Variants in MAN1A2 observed in about 807,000 individuals in gnomAD.
MAN1A2 encodes the protein mannosidase alpha class 1A member 2.
MAN1A2 carries 26 observed loss-of-function variants against 75.7 expected under a neutral mutation model. That is an observed-to-expected ratio of 0.34 (90% CI 0.25 to 0.48). The LOEUF is 0.48. Among genes scored for constraint, MAN1A2 ranks in the 20% least tolerant of loss-of-function variants. MAN1A2 has a pLI of 0.99. For synonymous variants in MAN1A2, 247 were observed against 264.6 expected (o/e 0.93, Z 0.65); for missense variants, 562 against 775.5 (o/e 0.72, Z 3.27).
chr1:117,378,747 C>A (rs1376905532), intron 1 of MAN1A2, among the ~76,000 whole-genome samples: 1 of 152,080 alleles, frequency 6.6e-6, no homozygotes, highest in East Asian at 1.9e-4. Flanking sequence ...TCTTTTCCAA[C>A]CTGCTGTCAA....
intron 12 of MAN1A2, among the ~76,000 whole-genome samples, chr1:117,503,747 T>C (rs1651269877): frequency 6.6e-6 from 1 of 151,598 alleles, no homozygotes; most frequent in African/African-American, 2.4e-5. Flanking sequence ...GATGTTTCAG[T>C]AGGCAAGCAG....
At chr1:117,463,021 C>T (rs1020611141) in intron 7 of MAN1A2, among the ~76,000 whole-genome samples, 1 of 151,798 alleles carries the variant, frequency 6.6e-6, no homozygotes, top group Non-Finnish European at 1.5e-5. Flanking sequence ...ACTTCATCAA[C>T]AGAGAAGAAT....
chr1:117,470,749 C>T (rs2101847255), intron 8 of MAN1A2, among the ~76,000 whole-genome samples: 1 of 152,002 alleles, frequency 6.6e-6, no homozygotes, highest in East Asian at 1.9e-4. Flanking sequence ...TTATATCAGC[C>T]TCTGAAAAGT....
chr1:117,511,463 T>C (rs1646242650), intron 12 of MAN1A2, among the ~76,000 whole-genome samples: 1 of 151,996 alleles, frequency 6.6e-6, no homozygotes, highest in South Asian at 2.1e-4. Context: ...GTATGAGTCA[T>C]CATGCTCAGC....
rs746761962 is a variant in MAN1A2 at position 117,420,573 on chromosome 1, C to T, written c.779C>T (p.Ser260Leu). 2 of 1,608,242 alleles carry T rather than the reference C, an allele frequency of 1.2e-6. No homozygotes were observed. The highest frequency in any genetic ancestry group is 1.7e-6 in the Non-Finnish European group (2 of 1,175,058). Residue 260 changes from serine to leucine, a missense_variant, in exon 5 of 13, where the codon TCA becomes TTA. Ser to Leu is a moderately radical substitution (Grantham distance 145). Transcript: ENST00000356554. ...TTTTCAATATGTTTTTCACAGAATTCAGAGGTGTCTGTGTTTGAAGTCAAC... is the reference window on the plus strand; with the variant it reads ...TTTTCAATATGTTTTTCACAGAATTTAGAGGTGTCTGTGTTTGAAGTCAAC... The part of the protein sequence containing the change: ...IEDNLDFSVN[S>L]EVSVFEVNIR...
At chr1:117,522,779 T>C (rs539527052) in intron 12 of MAN1A2, 46 bp from the exon 13 acceptor site, 22 of 1,578,876 alleles carry the variant, frequency 1.4e-5, no homozygotes, top group Admixed American at 1.0e-4. Context: ...CTTCATGTTC[T>C]TGTTGAATTC....
At chr1:117,476,751 G>C (rs1474814595) in intron 8 of MAN1A2, among the ~76,000 whole-genome samples, 1 of 152,002 alleles carries the variant, frequency 6.6e-6, no homozygotes, top group Admixed American at 6.6e-5. Flanking sequence ...TGCTGTTTTG[G>C]TTACTGTAGC....
intron 8 of MAN1A2, among the ~76,000 whole-genome samples, chr1:117,488,236 G>A (rs917962345): frequency 1.3e-5 from 2 of 149,486 alleles, no homozygotes; most frequent in Admixed American, 1.3e-4. Flanking sequence ...TCTTGAGACA[G>A]AGTCTCACGT....
chr1:117,507,679 T>A (rs1211803616), intron 12 of MAN1A2, among the ~76,000 whole-genome samples: 1 of 151,674 alleles, frequency 6.6e-6, no homozygotes, highest in African/African-American at 2.4e-5. Flanking sequence ...TCAGCTTGCT[T>A]TTTAAATAAG....
At chr1:117,495,331 C>A (rs559595653) in intron 9 of MAN1A2, among the ~76,000 whole-genome samples, 6 of 151,522 alleles carry the variant, frequency 4.0e-5, no homozygotes, top group Admixed American at 1.3e-4. Context: ...AGTATGCAGT[C>A]TTTGCAGTGT....
intron 11 of MAN1A2, among the ~76,000 whole-genome samples, chr1:117,499,925 G>T (rs1174290699): frequency 6.6e-6 from 1 of 151,464 alleles, no homozygotes; most frequent in Non-Finnish European, 1.5e-5. Context: ...TATTCCCAGG[G>T]TAAGGGGTTG....
chr1:117,439,346 C>T (rs997321575), intron 5 of MAN1A2, among the ~76,000 whole-genome samples: 2 of 152,172 alleles, frequency 1.3e-5, no homozygotes, highest in African/African-American at 4.8e-5. Context: ...CCCACATTGA[C>T]TGCTAGATTG....
At chr1:117,401,528 G>A (rs1647429122) in intron 1 of MAN1A2, among the ~76,000 whole-genome samples, 1 of 152,168 alleles carries the variant, frequency 6.6e-6, no homozygotes, top group Non-Finnish European at 1.5e-5. Context: ...GGGCTGGGTG[G>A]AAAACGGTGT....
In MAN1A2 at chr1:117,523,276, C is replaced by G; in HGVS notation, c.*319C>G. 3.9e-6 allele frequency: 2 copies of G among 506,650 alleles called. No homozygotes were observed. The highest frequency in any genetic ancestry group is 3.1e-5 in the South Asian group (2 of 64,790). 31.4% of individuals were successfully genotyped at this position (506,650 alleles called of 1,614,324 possible). A position where few individuals can be genotyped will look rare whatever the true frequency, so the allele number is the denominator to read the frequency against. Reference sequence around the variant, plus strand: ...GTCCTGAAGTCTGGAGGCTAGACTTCCTGAAAGCAAGTCAAGAATATAGAG... The same window carrying G: ...GTCCTGAAGTCTGGAGGCTAGACTTGCTGAAAGCAAGTCAAGAATATAGAG... On this transcript the variant is annotated 3_prime_UTR_variant, in exon 13 of 13. Transcript: ENST00000356554.
chr1:117,492,648 G>A (rs1650919290), intron 8 of MAN1A2, among the ~76,000 whole-genome samples: 1 of 151,922 alleles, frequency 6.6e-6, no homozygotes, highest in Admixed American at 6.6e-5. Flanking sequence ...TATTATAAAG[G>A]AATTCTTGGG....
intron 5 of MAN1A2, among the ~76,000 whole-genome samples, chr1:117,434,472 G>A (rs1288707081): frequency 6.6e-6 from 1 of 152,080 alleles, no homozygotes; most frequent in East Asian, 1.9e-4. Flanking sequence ...CTCTGACCCA[G>A]CGACCCACTT....
At chr1:117,379,570 T>C (rs898930425) in intron 1 of MAN1A2, among the ~76,000 whole-genome samples, 1 of 152,238 alleles carries the variant, frequency 6.6e-6, no homozygotes, top group Middle Eastern at 3.4e-3. Context: ...CCACCTCTAG[T>C]TCAAAAGCAT....
intron 1 of MAN1A2, among the ~76,000 whole-genome samples, chr1:117,378,533 T>C (rs1450193096): frequency 6.6e-6 from 1 of 152,170 alleles, no homozygotes; most frequent in Non-Finnish European, 1.5e-5. Context: ...TTTTTGTTGT[T>C]GTTGCAAAAA....
intron 1 of MAN1A2, among the ~76,000 whole-genome samples, chr1:117,386,156 T>C (rs772882244): frequency 3.3e-5 from 5 of 152,224 alleles, no homozygotes; most frequent in Non-Finnish European, 5.9e-5. Flanking sequence ...TTTTGGCAGC[T>C]TAAGCAACAT....
Sources: allele counts gnomAD v4.1 joint callset (sites outside exome capture counted in the v4.1 genomes callset), GRCh38; gene constraint gnomAD v4.1.1; transcripts MANE v1.5; gene names NCBI Gene and HGNC (gene_info 2026-07-23, HGNC 2026-07-21).